PTPN5: variants seen among roughly 807,000 people sequenced by gnomAD.
PTPN5 encodes protein tyrosine phosphatase non-receptor type 5.
In PTPN5, 29 loss-of-function variants were observed where a neutral mutation model predicts 73.9. That is an observed-to-expected ratio of 0.39 (90% CI 0.29 to 0.54). The LOEUF (loss-of-function observed/expected upper bound fraction) is 0.54, where lower values mean the gene tolerates loss of function less well. Ranked by LOEUF, PTPN5 falls within the 20% of genes least tolerant of loss-of-function variation. The pLI, the probability that PTPN5 is intolerant of heterozygous loss-of-function variation, is 0.65. For missense variants in PTPN5, 652 were observed against 751.4 expected (o/e 0.87, Z 1.55); for synonymous variants, 267 against 304.7 (o/e 0.88, Z 1.29).
chr11:18,784,542 A>T (rs964438239), intron 1 of PTPN5, among the ~76,000 whole-genome samples: 1 of 152,210 alleles, frequency 6.6e-6, no homozygotes, highest in African/African-American at 2.4e-5. Context: ...TCAGTCTGGG[A>T]AGATAAAAAG....
In PTPN5 at chr11:18,749,129, G is replaced by A. The variant is rs1849768673; in HGVS notation, c.98-4930C>T. Among the ~76,000 whole-genome samples the A allele has an allele frequency of 3.9e-5, 6 of 152,176 alleles. No individual in the cohort carries two copies. In the South Asian group the frequency reaches 8.3e-4, roughly 21 times the overall value. ...GCCCTATGAGGTAGACACGATCATC[G>A]TCAGCCCTGTTTTGTCAGTGAGAGG... On this transcript the variant is annotated intron_variant, in intron 3 of 14. Coordinates refer to ENST00000358540, the MANE Select transcript of PTPN5 (RefSeq NM_006906.2).
At position 18,746,168 on chromosome 11, in the gene PTPN5, T is replaced by A. The variant is rs868501760; in HGVS notation, c.98-1969A>T. On this transcript the variant is annotated intron_variant, in intron 3 of 14. Transcript: ENST00000358540. Reference sequence around the variant, plus strand: ...AAAAGCTGTTATAAATATAAATATATATATATATATATATATATATATATA... The same window carrying A: ...AAAAGCTGTTATAAATATAAATATAAATATATATATATATATATATATATA... Among the ~76,000 whole-genome samples the A allele has an allele frequency of 2.3e-4, 22 of 94,102 alleles. 1 individual carries two copies. Among genetic ancestry groups the A allele is most frequent in the South Asian group, 1.2e-3 (3 of 2,574 alleles). 61.7% of individuals were successfully genotyped at this position (94,102 alleles called of 152,430 possible).
At chr11:18,775,142 A>G (rs1851085934) in intron 1 of PTPN5, among the ~76,000 whole-genome samples, 1 of 152,212 alleles carries the variant, frequency 6.6e-6, no homozygotes, top group Admixed American at 6.5e-5. Context: ...AATTCAGAGA[A>G]GTAAAGTGAC....
intron 1 of PTPN5, among the ~76,000 whole-genome samples, chr11:18,773,683 T>A (rs926765886): frequency 6.6e-6 from 1 of 152,050 alleles, no homozygotes; most frequent in African/African-American, 2.4e-5. Context: ...CTAATTTCAT[T>A]TAAGGAGCAT....
chr11:18,732,515 G>T lies in PTPN5; in HGVS notation c.1329+77C>A, dbSNP rs1848926072. 3.9e-6 allele frequency: 4 copies of T among 1,038,906 alleles called. No individual in the cohort carries two copies. In the Admixed American group the frequency reaches 5.5e-5, roughly 14 times the overall value. 64.4% of individuals were successfully genotyped at this position (1,038,906 alleles called of 1,614,324 possible). ...TATGTCAGTTACAGTGGACTTGGGG[G>T]ACCTGTTCTCTGTGGAGCCCCCAGT... On this transcript the variant is annotated intron_variant, in intron 12 of 14. Transcript: ENST00000358540.
chr11:18,791,829 C>G (rs886799299), upstream of PTPN5: 18 of 152,054 alleles, frequency 1.2e-4, no homozygotes, highest in African/African-American at 4.1e-4. Context: ...GGTTTGGCAC[C>G]CCCCAGCCCC....
At chr11:18,751,033 G>A (rs984814456) in intron 3 of PTPN5, among the ~76,000 whole-genome samples, 1 of 152,190 alleles carries the variant, frequency 6.6e-6, no homozygotes, top group African/African-American at 2.4e-5. Flanking sequence ...GAACTGAGAA[G>A]GGCGGAGTGG....
chr11:18,741,896 C>T (rs148214695), intron 7 of PTPN5, among the ~76,000 whole-genome samples: 103 of 152,286 alleles, frequency 6.8e-4, no homozygotes, highest in East Asian at 3.1e-3. Flanking sequence ...AATAGAGTTC[C>T]GTGGTCAAGT....
intron 2 of PTPN5, among the ~76,000 whole-genome samples, chr11:18,771,531 C>T (rs532538043): frequency 6.6e-6 from 1 of 152,316 alleles, no homozygotes; most frequent in Admixed American, 6.5e-5. Flanking sequence ...GCCTCTCCCA[C>T]CAACTTCCGA....
intron 1 of PTPN5, among the ~76,000 whole-genome samples, chr11:18,783,970 G>A (rs1478803812): frequency 2.6e-5 from 4 of 152,070 alleles, no homozygotes; most frequent in African/African-American, 7.2e-5. Context: ...TCTCTTCTCT[G>A]TTACCTCCAT....
intron 9 of PTPN5, among the ~76,000 whole-genome samples, chr11:18,736,762 G>A (rs1471968690): frequency 6.6e-6 from 1 of 152,172 alleles, no homozygotes; most frequent in Non-Finnish European, 1.5e-5. Context: ...GACTGCATCT[G>A]CACGGAATCC....
chr11:18,739,908 C>T (rs1401029576), intron 8 of PTPN5, among the ~76,000 whole-genome samples: 1 of 152,192 alleles, frequency 6.6e-6, no homozygotes, highest in Non-Finnish European at 1.5e-5. Flanking sequence ...TGCCGGCACC[C>T]CTGTGGAGGG....
chr11:18,768,804 C>G (rs1420531940), intron 2 of PTPN5, among the ~76,000 whole-genome samples: 1 of 152,212 alleles, frequency 6.6e-6, no homozygotes, highest in Non-Finnish European at 1.5e-5. Context: ...GTTTAATTAG[C>G]TTTCCAAAGA....
chr11:18,748,842 C>A (rs923607055), intron 3 of PTPN5, among the ~76,000 whole-genome samples: 1 of 152,114 alleles, frequency 6.6e-6, no homozygotes, highest in Admixed American at 6.6e-5. Flanking sequence ...TTACTGGGGG[C>A]CTACTTTGTC....
chr11:18,762,681 T>C (rs1286132203), intron 3 of PTPN5, among the ~76,000 whole-genome samples: 2 of 152,212 alleles, frequency 1.3e-5, no homozygotes, highest in Non-Finnish European at 2.9e-5. Flanking sequence ...TAATAGCAAA[T>C]GTCTGTACAG....
chr11:18,765,849 C>A lies in PTPN5; in HGVS notation c.55G>T (p.Glu19Ter). 1 of 1,583,222 alleles carries A rather than the reference C, an allele frequency of 6.3e-7. No homozygotes were observed. Among genetic ancestry groups the A allele is most frequent in the Non-Finnish European group, 8.6e-7 (1 of 1,164,046 alleles). The change falls in exon 3 of 15, where the codon GAG (glutamate) becomes TAG (stop). Residue 19 changes from glutamate (E) to a stop codon, truncating the protein, a stop_gained. Transcript: ENST00000358540. LOFTEE classifies it high-confidence loss of function. The stretch of plus-strand genomic sequence containing the variant: ...CAGCACATGTCCAGGGCCCCTCCCT[C>A]GGAGTCATCAGCAGCGTGGTTCTCT... ...ERENHAADDS[E>*]GGALDMCCSE... is the part of the protein sequence containing the mutation.
chr11:18,789,832 T>G (rs1011529779), intron 1 of PTPN5, among the ~76,000 whole-genome samples: 1 of 152,116 alleles, frequency 6.6e-6, no homozygotes. Flanking sequence ...AGACTACACA[T>G]TGGGTTCAGT....
chr11:18,742,114 T>C lies in PTPN5; in HGVS notation c.725+148A>G. ...CTTGGGGCACTTTGATCTCTATGAA[T>C]GACCTGGATAGCACATGTCTACACT... On this transcript the variant is annotated intron_variant, in intron 7 of 14. Transcript: ENST00000358540. This position sits in a 1 kb window ranked among gnomAD's most constrained non-coding sequence, Gnocchi z 4.1. The C allele has an allele frequency of 5.5e-6, 6 of 1,082,104 alleles. No homozygotes were observed. Among genetic ancestry groups the C allele is most frequent in the Non-Finnish European group, 8.0e-6 (6 of 748,896 alleles). The allele number at this position is 1,082,104 out of a possible 1,614,324, so 67.0% of individuals were successfully genotyped here. A position where few individuals can be genotyped will look rare whatever the true frequency, so the allele number is the denominator to read the frequency against.
Position 18,740,624 on chromosome 11 carries a change from G to C in PTPN5, c.894C>G (p.Phe298Leu), listed in dbSNP as rs200855435. The change falls in exon 8 of 15, where the codon TTC (phenylalanine) becomes TTG (leucine). Residue 298 changes from phenylalanine (F) to leucine (L), a missense_variant. Coordinates refer to ENST00000358540, the MANE Select transcript of PTPN5 (RefSeq NM_006906.2). Reference protein sequence around the residue: ...EELHEKALDPFLLQAEFFEIP... With the variant: ...EELHEKALDPLLLQAEFFEIP... ...TCACAAAGAATTCCGCCTGCAGCAG[G>C]AAAGGGTCCAGGGCCTTTTCATGAA... 1.9e-6 allele frequency: 3 copies of C among 1,577,056 alleles called. No individual in the cohort carries two copies. Among genetic ancestry groups the C allele is most frequent in the Non-Finnish European group, 1.7e-6 (2 of 1,161,548 alleles).
Sources: allele counts gnomAD v4.1 joint callset (sites outside exome capture counted in the v4.1 genomes callset), GRCh38; gene constraint gnomAD v4.1.1; non-coding constraint Gnocchi (gnomAD v3.1); transcripts MANE v1.5; gene names NCBI Gene and HGNC (gene_info 2026-07-23, HGNC 2026-07-21).